Variants in MOV10L1 observed in about 807,000 individuals in gnomAD.
The protein encoded by MOV10L1 is Mov10 like RNA helicase 1, also known as RNA helicase Mov10l1.
In MOV10L1, 110 loss-of-function variants were observed where a neutral mutation model predicts 143.8. That is an observed-to-expected ratio of 0.76 (90% CI 0.66 to 0.90). The LOEUF (loss-of-function observed/expected upper bound fraction) is 0.90, where lower values mean the gene tolerates loss of function less well. Ranked by LOEUF, MOV10L1 falls within the 40% of genes least tolerant of loss-of-function variation. The probability of loss-of-function intolerance (pLI) is 0.00; values close to 1 mark genes in which losing one functional copy is unlikely to be tolerated. For synonymous variants in MOV10L1, 593 were observed against 581.1 expected, an observed-to-expected ratio of 1.02 and a Z score of -0.29; for missense variants, 1,406 against 1,526.8, an observed-to-expected ratio of 0.92 and a Z score of 1.32.
Position 50,152,947 on chromosome 22 carries a change from G to A in MOV10L1, c.2893-98G>A. On this transcript the variant is annotated intron_variant, in intron 21 of 26. Transcript: ENST00000262794. This position sits in a 1 kb window ranked among gnomAD's most constrained non-coding sequence, Gnocchi z 4.4. ...GGAGCAGAGTCAGGCTTGGAAGTCA[G>A]GCAGGCCTCACGTTTGCTGTGCAGA... 1 of 1,265,658 alleles carries A rather than the reference G, an allele frequency of 7.9e-7. No homozygotes were observed. The highest frequency in any genetic ancestry group is 1.1e-6 in the Non-Finnish European group (1 of 908,770). The allele number at this position is 1,265,658 out of a possible 1,614,324, so 78.4% of individuals were successfully genotyped here.
intron 21 of MOV10L1, among the ~76,000 whole-genome samples, chr22:50,151,824 A>T (rs529278930): frequency 6.6e-6 from 1 of 152,358 alleles, no homozygotes; most frequent in South Asian, 2.1e-4. Flanking sequence ...AGGTGCATAC[A>T]GCACAGGGCC....
chr22:50,118,240 G>A (rs999232179), intron 9 of MOV10L1, among the ~76,000 whole-genome samples: 4 of 152,156 alleles, frequency 2.6e-5, no homozygotes, highest in Non-Finnish European at 5.9e-5. Context: ...TTGAATCACA[G>A]CACCACCACC....
chr22:50,156,828 G>A (rs903267878), intron 22 of MOV10L1, among the ~76,000 whole-genome samples: 1 of 152,172 alleles, frequency 6.6e-6, no homozygotes, highest in East Asian at 1.9e-4. Flanking sequence ...CTGCTACAAC[G>A]GGTGTACAGA....
At chr22:50,154,144 G>A (rs1225589410) in intron 22 of MOV10L1, among the ~76,000 whole-genome samples, 1 of 152,228 alleles carries the variant, frequency 6.6e-6, no homozygotes, top group African/African-American at 2.4e-5. Context: ...AGGAGAATCT[G>A]CAGTGAGCTG....
intron 8 of MOV10L1, among the ~76,000 whole-genome samples, chr22:50,116,856 A>G (rs182132819): frequency 1.1e-4 from 16 of 151,952 alleles, no homozygotes; most frequent in Admixed American, 7.2e-4. Flanking sequence ...GGTTCATCCT[A>G]TATTGCCCAG....
At chr22:50,148,567 G>A (rs375793830) in intron 19 of MOV10L1, among the ~76,000 whole-genome samples, 4 of 152,150 alleles carry the variant, frequency 2.6e-5, no homozygotes, top group East Asian at 1.9e-4. Flanking sequence ...ACAGGTACCC[G>A]CCAGGAGGGC....
chr22:50,095,155 CT>C (rs2062556602), intron 2 of MOV10L1: 1 of 152,238 alleles, frequency 6.6e-6, no homozygotes, highest in South Asian at 2.1e-4. Flanking sequence ...TCAGCTCTGG[CT>C]TAGAGACTGT....
Position 50,153,239 on chromosome 22 carries a change from G to A in MOV10L1, c.3066+21G>A, listed in dbSNP as rs145335500. On this transcript the variant is annotated intron_variant, in intron 22 of 26. Coordinates refer to ENST00000262794, the MANE Select transcript of MOV10L1 (RefSeq NM_018995.3). ...TGCGGGTGAGTTGTGTCTTGAATCCGTAGGTGACCGTGTCGGGTAAGGACA... is the reference window on the plus strand; with the variant it reads ...TGCGGGTGAGTTGTGTCTTGAATCCATAGGTGACCGTGTCGGGTAAGGACA... 6.8e-4 allele frequency: 1,093 copies of A among 1,601,420 alleles called. 4 individuals carry two copies. In the African/African-American group the frequency reaches 0.01, roughly 15 times the overall value.
Position 50,097,360 on chromosome 22 carries a change from C to G in MOV10L1, c.283-2083C>G, listed in dbSNP as rs190775505. On this transcript the variant is annotated intron_variant, in intron 2 of 26. Transcript: ENST00000262794. Reference sequence around the variant, plus strand: ...CTGGGCTCAAGTGATCCGCCCATCCCACGCCTTTCCAAATGCTGAGATTAT... The same window carrying G: ...CTGGGCTCAAGTGATCCGCCCATCCGACGCCTTTCCAAATGCTGAGATTAT... Among the ~76,000 whole-genome samples, 11 of 152,286 alleles carry G rather than the reference C, an allele frequency of 7.2e-5. No individual in the cohort carries two copies. In the East Asian group the frequency reaches 2.1e-3, roughly 29 times the overall value.
In MOV10L1 at chr22:50,126,244, C is replaced by G; in HGVS notation, c.1790C>G (p.Ala597Gly). 1 of 1,612,254 alleles carries G rather than the reference C, an allele frequency of 6.2e-7. No homozygotes were observed. Among genetic ancestry groups the G allele is most frequent in the Non-Finnish European group, 8.5e-7 (1 of 1,178,386 alleles). Residue 597 changes from alanine (A) to glycine (G), a missense_variant, in exon 12 of 27, where the codon GCC (alanine) becomes GGC (glycine). Physicochemically the swap from Ala to Gly is moderately conservative, Grantham distance 60. Coordinates refer to ENST00000262794, the MANE Select transcript of MOV10L1 (RefSeq NM_018995.3). ...ILKTQEYNGH[A>G]IEYISYVTEI... ...AAAACTCAAGAGTACAATGGACATG[C>G]CATCGAATACATCAGCTACGTGACT...
intron 3 of MOV10L1, among the ~76,000 whole-genome samples, chr22:50,105,370 A>T (rs2061842263): frequency 6.6e-6 from 1 of 152,178 alleles, no homozygotes; most frequent in Non-Finnish European, 1.5e-5. Flanking sequence ...AGGGCCATTC[A>T]TGCCCTTACA....
Position 50,133,840 on chromosome 22 carries a change from G to A in MOV10L1, c.1911-167G>A, listed in dbSNP as rs146629621. Among the ~76,000 whole-genome samples, 559 of 152,142 alleles carry A rather than the reference G, an allele frequency of 3.7e-3. 3 individuals carry two copies. Among genetic ancestry groups the A allele is most frequent in the Non-Finnish European group, 6.1e-3 (413 of 67,996 alleles). On this transcript the variant is annotated intron_variant, in intron 13 of 26. Transcript: ENST00000262794. ...ATTACACACGTGAGCCACCGCGCCCGTCCTCTCTAGTGTTTTTCTGTTCTC... is the reference window on the plus strand; with the variant it reads ...ATTACACACGTGAGCCACCGCGCCCATCCTCTCTAGTGTTTTTCTGTTCTC...
At chr22:50,112,422 T>C (rs1002962541) in intron 5 of MOV10L1, among the ~76,000 whole-genome samples, 30 of 152,210 alleles carry the variant, frequency 2.0e-4, no homozygotes, top group Non-Finnish European at 4.1e-4. Context: ...TGGCGTCCCA[T>C]TCTTGCATCA....
chr22:50,098,562 A>C (rs1225922020), intron 2 of MOV10L1, among the ~76,000 whole-genome samples: 1 of 152,072 alleles, frequency 6.6e-6, no homozygotes, highest in Non-Finnish European at 1.5e-5. Flanking sequence ...AAATGTATGG[A>C]AATCTGATTT....
Position 50,158,123 on chromosome 22 carries a change from C to T in MOV10L1, c.3133C>T (p.Arg1045Cys). The T allele has an allele frequency of 1.9e-6, 3 of 1,614,192 alleles. No homozygotes were observed. Among genetic ancestry groups the T allele is most frequent in the East Asian group, 4.5e-5 (2 of 44,878 alleles). Residue 1045 changes from arginine to cysteine, a missense_variant, in exon 23 of 27, where the codon CGC (arginine) becomes TGC (cysteine). By Grantham distance (180) the Arg-to-Cys change is radical. This residue lies in a region of MOV10L1 where 1,233 missense variants were observed against 1,351.4 expected (regional missense o/e 0.91). Transcript: ENST00000262794. The surrounding 1 kb of genome is among the most constrained non-coding windows in gnomAD (Gnocchi z 5.0). ...CCCGGCCGAGGCCGTCCAGGTCCTG[C>T]GCTACTGCTGCCTCCTGGCCCACAG... ...FNPAEAVQVL[R>C]YCCLLAHSIS...
At chr22:50,134,674 A>C in intron 15 of MOV10L1, 44 bp downstream of exon 15, 2 of 1,560,192 alleles carry the variant, frequency 1.3e-6, no homozygotes, top group Non-Finnish European at 1.8e-6. Flanking sequence ...GGGATGGCTC[A>C]GCGACGTGGC....
chr22:50,114,731 A>G lies in MOV10L1; in HGVS notation c.1126+109A>G, dbSNP rs543453052. On this transcript the variant is annotated intron_variant, in intron 7 of 26. Coordinates refer to ENST00000262794, the MANE Select transcript of MOV10L1 (RefSeq NM_018995.3). Reference sequence around the variant, plus strand: ...GCAGGGGCCAGGACACCCGGCAGCTACAGTGCTTTGTGCTCTGAGCTCTTC... The same window carrying G: ...GCAGGGGCCAGGACACCCGGCAGCTGCAGTGCTTTGTGCTCTGAGCTCTTC... The G allele has an allele frequency of 2.6e-5, 39 of 1,482,122 alleles. No homozygotes were observed. In the Admixed American group the frequency reaches 7.0e-4, roughly 27 times the overall value. The allele number at this position is 1,482,122 out of a possible 1,614,324, so 91.8% of individuals were successfully genotyped here.
In MOV10L1 at chr22:50,147,100, G is replaced by C. The variant is rs776195104; in HGVS notation, c.2627+1290G>C. ...TCACTGGGGTGCAGAGGGCTCTTTGGGGGCAGAGCGGGCACTGCATGGACC... is the reference window on the plus strand; with the variant it reads ...TCACTGGGGTGCAGAGGGCTCTTTGCGGGCAGAGCGGGCACTGCATGGACC... On this transcript the variant is annotated intron_variant, in intron 19 of 26. Coordinates refer to ENST00000262794, the MANE Select transcript of MOV10L1 (RefSeq NM_018995.3). 1.3e-5 allele frequency: 20 copies of C among 1,572,268 alleles called. No individual in the cohort carries two copies. In the Middle Eastern group the frequency reaches 5.0e-4, roughly 39 times the overall value.
intron 20 of MOV10L1, among the ~76,000 whole-genome samples, chr22:50,150,190 G>T (rs2147412876): frequency 6.6e-6 from 1 of 152,338 alleles, no homozygotes; most frequent in South Asian, 2.1e-4. Flanking sequence ...GGCTCATCCA[G>T]GCGAGCTCAT....
Sources: allele counts gnomAD v4.1 joint callset (sites outside exome capture counted in the v4.1 genomes callset), GRCh38; gene constraint gnomAD v4.1.1; regional missense constraint gnomAD v4.1.1; non-coding constraint Gnocchi (gnomAD v3.1); transcripts MANE v1.5; gene names NCBI Gene and HGNC (gene_info 2026-07-23, HGNC 2026-07-21).